Variants in PTP4A1 observed in about 807,000 individuals in gnomAD.
The protein encoded by PTP4A1 is protein tyrosine phosphatase type IVA 1.
In PTP4A1, 9 loss-of-function variants were observed where a neutral mutation model predicts 20.5. The observed-to-expected ratio is 0.44, with a 90% CI of 0.26 to 0.77. The LOEUF (loss-of-function observed/expected upper bound fraction) is 0.77. PTP4A1 is among the 30% of genes least tolerant of loss of function. The pLI is 0.19. For missense variants in PTP4A1, 137 were observed against 218.8 expected, an observed-to-expected ratio of 0.63 and a Z score of 2.36; for synonymous variants, 78 against 67.4, an observed-to-expected ratio of 1.16 and a Z score of -0.77.
At chr6:63,533,393 C>T (rs557328048) in intron 2 of PTP4A1, among the ~76,000 whole-genome samples, 5 of 151,834 alleles carry the variant, frequency 3.3e-5, no homozygotes, top group Non-Finnish European at 5.9e-5. Context: ...AAAAAGAAAA[C>T]AATAAGATGA....
chr6:63,555,692 CTT>C (rs35538550), intron 3 of PTP4A1, among the ~76,000 whole-genome samples: 9,724 of 134,720 alleles, frequency 0.072, 244 homozygotes, highest in East Asian at 0.14. Flanking sequence ...CAATTACACT[CTT>C]TTTTTTTTTT....
intron 3 of PTP4A1, among the ~76,000 whole-genome samples, chr6:63,566,445 A>C (rs1399446975): frequency 1.3e-5 from 2 of 152,154 alleles, no homozygotes; most frequent in Admixed American, 6.5e-5. Flanking sequence ...GTGCCTGGGA[A>C]TGTTCAAGCT....
intron 2 of PTP4A1, among the ~76,000 whole-genome samples, chr6:63,541,660 C>T (rs1352738209): frequency 6.6e-6 from 1 of 152,104 alleles, no homozygotes; most frequent in Non-Finnish European, 1.5e-5. Flanking sequence ...ATGAACTTAC[C>T]ATATATTTCA....
intron 2 of PTP4A1, among the ~76,000 whole-genome samples, chr6:63,539,199 A>G (rs1775846707): frequency 6.6e-6 from 1 of 152,130 alleles, no homozygotes; most frequent in African/African-American, 2.4e-5. Flanking sequence ...TGGCCTGTAA[A>G]GTACTGATTT....
chr6:63,546,258 AT>A (rs1424361037), intron 2 of PTP4A1, among the ~76,000 whole-genome samples: 4 of 152,228 alleles, frequency 2.6e-5, no homozygotes, highest in Non-Finnish European at 5.9e-5. Context: ...CCTGGAGGAC[AT>A]TTTGCTAAGT....
intron 3 of PTP4A1, among the ~76,000 whole-genome samples, chr6:63,557,972 C>A (rs926080603): frequency 2.0e-5 from 3 of 151,774 alleles, no homozygotes; most frequent in African/African-American, 2.4e-5. Context: ...TCACTGCAAC[C>A]TCCGCCTCCT....
chr6:63,569,061 T>C (rs1777303316), upstream of PTP4A1, among the ~76,000 whole-genome samples: 1 of 152,204 alleles, frequency 6.6e-6, no homozygotes, highest in South Asian at 2.1e-4. Context: ...CAGACTTCCT[T>C]GTAGCCCCAA....
At chr6:63,547,536 TG>T (rs1776250089) in intron 2 of PTP4A1, among the ~76,000 whole-genome samples, 1 of 131,416 alleles carries the variant, frequency 7.6e-6, no homozygotes, top group Non-Finnish European at 1.6e-5. Flanking sequence ...GATGGAGTCT[TG>T]CTCTGTCGCC....
chr6:63,524,064 C>T (rs543888402), intron 1 of PTP4A1, among the ~76,000 whole-genome samples: 3 of 152,078 alleles, frequency 2.0e-5, no homozygotes, highest in Non-Finnish European at 2.9e-5. Flanking sequence ...TCACTGCAAC[C>T]TTTGCCTCCC....
intron 2 of PTP4A1, among the ~76,000 whole-genome samples, chr6:63,545,505 G>C (rs1776143987): frequency 1.3e-5 from 2 of 152,126 alleles, no homozygotes. Flanking sequence ...CAGCTACTTG[G>C]GAGGCTGAGG....
At position 63,576,621 on chromosome 6, in the gene PTP4A1, A is replaced by G. The variant is rs1273806701; in HGVS notation, c.-260A>G. 2.0e-6 allele frequency: 1 copy of G among 494,258 alleles called. No homozygotes were observed. Among genetic ancestry groups the G allele is most frequent in the African/African-American group, 2.0e-5 (1 of 49,866 alleles). The allele number at this position is 494,258 out of a possible 1,614,324, so 30.6% of individuals were successfully genotyped here. A position where few individuals can be genotyped will look rare whatever the true frequency, so the allele number is the denominator to read the frequency against. ...AGTGTTGAATTGAAATCCACAGAGC[A>G]TTTTACAAGAGTTCTGACCTGGATG... On this transcript the variant is annotated 5_prime_UTR_variant, in exon 2 of 6. Transcript: ENST00000626021.
chr6:63,573,221 C>G (rs1777596356), intron 1 of PTP4A1: 2 of 152,744 alleles, frequency 1.3e-5, no homozygotes, highest in Non-Finnish European at 2.9e-5. Context: ...CGGGGTGGGG[C>G]GAGGGCTGCG....
At chr6:63,561,417 C>T (rs1214293455) in intron 3 of PTP4A1, among the ~76,000 whole-genome samples, 1 of 152,208 alleles carries the variant, frequency 6.6e-6, no homozygotes, top group African/African-American at 2.4e-5. Context: ...ACAACCAGCA[C>T]ATTCAGTACA....
upstream of PTP4A1, among the ~76,000 whole-genome samples, chr6:63,567,524 C>A (rs982391703): frequency 6.6e-6 from 1 of 152,154 alleles, no homozygotes; most frequent in East Asian, 1.9e-4. Flanking sequence ...ATTTAGTGAG[C>A]CATGCTAAAC....
intron 2 of PTP4A1, among the ~76,000 whole-genome samples, chr6:63,546,975 C>T (rs1018475553): frequency 3.3e-5 from 5 of 152,068 alleles, no homozygotes; most frequent in African/African-American, 9.7e-5. Context: ...ACTCTTTAAA[C>T]CTTAATAAAG....
chr6:63,576,778 A>G lies in PTP4A1; in HGVS notation c.-103A>G, dbSNP rs930091457. 5.9e-6 allele frequency: 5 copies of G among 851,888 alleles called. No individual in the cohort carries two copies. The highest frequency in any genetic ancestry group is 9.2e-6 in the Non-Finnish European group (5 of 542,356). The allele number at this position is 851,888 out of a possible 1,614,324, so 52.8% of individuals were successfully genotyped here. On this transcript the variant is annotated 5_prime_UTR_variant, in exon 2 of 6. Transcript: ENST00000626021. ...CATACTCAAAGCACTGAGAATTTCA[A>G]GTGGAGTATATTGAAGTAGACTTCA...
chr6:63,583,351 T>G lies in PTP4A1; in HGVS notation c.*3177T>G, dbSNP rs1778368966. On this transcript the variant is annotated 3_prime_UTR_variant, in exon 6 of 6. Coordinates refer to ENST00000626021, the MANE Select transcript of PTP4A1 (RefSeq NM_003463.5). ...GTATATATGTGCCTCACACCTGAAT[T>G]GAAAATTAAAGACTGGTTTAAAAGT... 1 of 152,232 alleles carries G rather than the reference T, an allele frequency of 6.6e-6. No individual in the cohort carries two copies. Among genetic ancestry groups the G allele is most frequent in the African/African-American group, 2.4e-5 (1 of 41,460 alleles). The allele number at this position is 152,232 out of a possible 1,614,324, so 9.4% of individuals were successfully genotyped here. A position where few individuals can be genotyped will look rare whatever the true frequency, so the allele number is the denominator to read the frequency against.
At chr6:63,520,370 T>C (rs1051979298), upstream of PTP4A1, among the ~76,000 whole-genome samples, 3 of 152,218 alleles carry the variant, frequency 2.0e-5, no homozygotes, top group African/African-American at 7.2e-5. Flanking sequence ...CTCATGCCTG[T>C]AATCCCAGCA....
At chr6:63,564,491 T>C (rs1313529923) in intron 3 of PTP4A1, among the ~76,000 whole-genome samples, 1 of 152,188 alleles carries the variant, frequency 6.6e-6, no homozygotes, top group Non-Finnish European at 1.5e-5. Flanking sequence ...CAGGAAATTG[T>C]TCAACAACAT....
Sources: gnomAD v4.1 joint callset for allele counts (sites outside exome capture counted in the v4.1 genomes callset) on GRCh38, gnomAD v4.1.1 for gene constraint, MANE v1.5 for transcripts, NCBI Gene and HGNC (gene_info 2026-07-23, HGNC 2026-07-21) for gene names.